The following PCDHGA1 variants were observed in gnomAD, a reference collection of about 807,000 sequenced individuals.
The protein encoded by PCDHGA1 is protocadherin gamma subfamily A, 1, also known as protocadherin gamma-A1.
PCDHGA1 carries 32 observed loss-of-function variants against 58.0 expected under a neutral mutation model. The observed-to-expected ratio is 0.55, with a 90% CI of 0.42 to 0.74. The LOEUF is 0.74. Ranked by LOEUF, PCDHGA1 falls within the 30% of genes least tolerant of loss-of-function variation. The probability of loss-of-function intolerance (pLI) is 0.00; values close to 1 mark genes in which losing one functional copy is unlikely to be tolerated. For missense variants in PCDHGA1, 1,205 were observed against 1,182.3 expected (o/e 1.02, Z -0.28); for synonymous variants, 498 against 501.1 (o/e 0.99, Z 0.08).
chr5:141,366,812 T>G (rs1459944909), intron 1 of PCDHGA1: 6 of 1,549,614 alleles, frequency 3.9e-6, no homozygotes, highest in Non-Finnish European at 4.4e-6. Context: ...TTTTTCATGT[T>G]TCTGTCATAT....
intron 1 of PCDHGA1, chr5:141,415,059 C>A: frequency 1.2e-6 from 2 of 1,613,396 alleles, no homozygotes; most frequent in Non-Finnish European, 1.7e-6. Flanking sequence ...AGCACACGGG[C>A]GAGGTGCGCA....
In PCDHGA1 at chr5:141,408,857, G is replaced by T. The variant is rs372861749; in HGVS notation, c.2421+75752G>T. 1.9e-5 allele frequency: 30 copies of T among 1,613,424 alleles called. No homozygotes were observed. Among genetic ancestry groups the T allele is most frequent in the Non-Finnish European group, 2.5e-5 (29 of 1,179,810 alleles). ...GATATTGACTGCCTTGGACGGAGGG[G>T]ACCCACCAAGAAGTGCCACCGCTCA... On this transcript the variant is annotated intron_variant, in intron 1 of 3. Coordinates refer to ENST00000517417, the MANE Select transcript of PCDHGA1 (RefSeq NM_018912.3).
intron 1 of PCDHGA1, chr5:141,350,534 A>G (rs1758496853): frequency 6.2e-7 from 1 of 1,614,012 alleles, no homozygotes; most frequent in East Asian, 2.2e-5. Flanking sequence ...TCGAGAGAAG[A>G]TTTGCGGAAG....
chr5:141,435,542 A>C (rs1402711516), intron 1 of PCDHGA1, among the ~76,000 whole-genome samples: 1 of 152,146 alleles, frequency 6.6e-6, no homozygotes, highest in Non-Finnish European at 1.5e-5. Flanking sequence ...GAATTAACAA[A>C]ATGTGTTTTG....
At chr5:141,440,912 G>T (rs1281398967) in intron 1 of PCDHGA1, 1 of 152,254 alleles carries the variant, frequency 6.6e-6, no homozygotes, top group Admixed American at 6.5e-5. Context: ...GGGCACTCCT[G>T]TGCTGAGAGT....
At position 141,356,585 on chromosome 5, in the gene PCDHGA1, C is replaced by T. The variant is rs11575950; in HGVS notation, c.2421+23480C>T. 9 of 1,614,174 alleles carry T rather than the reference C, an allele frequency of 5.6e-6. 1 individual carries two copies. The South Asian group carries it at 9.9e-5, about 18-fold the overall frequency. ...CATGCTTCCTACTCTGCTTACATTC[C>T]TGAAAACAACCCCAGAGGAGCCTCC... is the stretch of plus-strand genomic sequence containing the variant. On this transcript the variant is annotated intron_variant, in intron 1 of 3. Coordinates refer to ENST00000517417, the MANE Select transcript of PCDHGA1 (RefSeq NM_018912.3).
chr5:141,428,037 C>G lies in PCDHGA1; in HGVS notation c.2422-66770C>G, dbSNP rs762273592. 3.7e-6 allele frequency: 6 copies of G among 1,608,340 alleles called. No homozygotes were observed. In the African/African-American group the frequency reaches 8.0e-5, roughly 21 times the overall value. ...GCCACGCGCCGCAGAGTCCGGCTACCTGGTGACCAAGGTGGTGGCGGTGGA... is the reference window on the plus strand; with the variant it reads ...GCCACGCGCCGCAGAGTCCGGCTACGTGGTGACCAAGGTGGTGGCGGTGGA... On this transcript the variant is annotated intron_variant, in intron 1 of 3. Coordinates refer to ENST00000517417, the MANE Select transcript of PCDHGA1 (RefSeq NM_018912.3).
chr5:141,451,914 A>G (rs1387569597), intron 1 of PCDHGA1, among the ~76,000 whole-genome samples: 3 of 152,022 alleles, frequency 2.0e-5, no homozygotes, highest in East Asian at 1.9e-4. Context: ...GGGAGGGAGG[A>G]AGGAAGGGAG....
chr5:141,388,789 T>A (rs2091491529), intron 1 of PCDHGA1: 1 of 1,613,948 alleles, frequency 6.2e-7, no homozygotes, highest in Non-Finnish European at 8.5e-7. Context: ...ATTACTGTTT[T>A]AAATACATTA....
chr5:141,332,283 G>C lies in PCDHGA1; in HGVS notation c.1599G>C (p.Met533Ile), dbSNP rs773238673. The part of the protein sequence containing the change: ...EQFRDMQLKV[M>I]ARDSGDPPLS... ...TCCGGGACATGCAACTGAAAGTGAT[G>C]GCGCGGGACAGTGGGGATCCGCCCC... Residue 533 changes from methionine (M) to isoleucine (I), a missense_variant, in exon 1 of 4, where the codon ATG (methionine) becomes ATC (isoleucine). By Grantham distance (10) the Met-to-Ile change is conservative. Transcript: ENST00000517417. The surrounding 1 kb of genome is among the most constrained non-coding windows in gnomAD (Gnocchi z 4.6). 12 of 1,614,108 alleles carry C rather than the reference G, an allele frequency of 7.4e-6. No individual in the cohort carries two copies. The highest frequency in any genetic ancestry group is 1.6e-4 in the Middle Eastern group (1 of 6,084).
chr5:141,340,846 G>T, intron 1 of PCDHGA1: 2 of 1,611,914 alleles, frequency 1.2e-6, no homozygotes, highest in Non-Finnish European at 1.7e-6. Flanking sequence ...ACACGGGCGA[G>T]GTGCGCACGG....
intron 3 of PCDHGA1, among the ~76,000 whole-genome samples, chr5:141,508,761 C>G (rs943236216): frequency 6.6e-6 from 1 of 151,974 alleles, no homozygotes; most frequent in Admixed American, 6.6e-5. Context: ...TCTGGCGCCT[C>G]TGAGGTCCCC....
At position 141,336,226 on chromosome 5, in the gene PCDHGA1, C is replaced by T. The variant is rs551674515; in HGVS notation, c.2421+3121C>T. Among the ~76,000 whole-genome samples the T allele has an allele frequency of 7.9e-5, 12 of 152,068 alleles. No individual in the cohort carries two copies. In the East Asian group the frequency reaches 2.1e-3, roughly 27 times the overall value. On this transcript the variant is annotated intron_variant, in intron 1 of 3. Transcript: ENST00000517417. Reference sequence around the variant, plus strand: ...TTCTGTCAAGTCTAACGTTAGGACTCATGTAAGAGAGCCAGGCACAATGGC... The same window carrying T: ...TTCTGTCAAGTCTAACGTTAGGACTTATGTAAGAGAGCCAGGCACAATGGC...
chr5:141,363,581 A>G (rs1484863484), intron 1 of PCDHGA1, among the ~76,000 whole-genome samples: 2 of 152,266 alleles, frequency 1.3e-5, no homozygotes, highest in Non-Finnish European at 2.9e-5. Flanking sequence ...AAAAATGCAT[A>G]GTTAACCCAA....
rs199552905 is a variant in PCDHGA1 at position 141,423,400 on chromosome 5, C to A, written c.2422-71407C>A. On this transcript the variant is annotated intron_variant, in intron 1 of 3. Transcript: ENST00000517417. Reference sequence around the variant, plus strand: ...GCTGTGGCGCTGGCATAAGTCACGCCTGCTGCAGGCTTCTGAAGGCGGGTT... The same window carrying A: ...GCTGTGGCGCTGGCATAAGTCACGCATGCTGCAGGCTTCTGAAGGCGGGTT... 62 of 1,614,152 alleles carry A rather than the reference C, an allele frequency of 3.8e-5. No homozygotes were observed. The African/African-American group carries it at 6.9e-4, about 18-fold the overall frequency.
At chr5:141,384,893 C>G in intron 1 of PCDHGA1, 2 of 1,613,890 alleles carry the variant, frequency 1.2e-6, no homozygotes, top group Non-Finnish European at 1.7e-6. Context: ...GTGGCTGTGG[C>G]TGACAGCATC....
chr5:141,346,543 T>C, intron 1 of PCDHGA1: 1 of 1,545,946 alleles, frequency 6.5e-7, no homozygotes, highest in Non-Finnish European at 8.8e-7. Flanking sequence ...ATTTGAGAAA[T>C]AAAGCCATGA....
Position 141,334,028 on chromosome 5 carries a change from G to C in PCDHGA1, c.2421+923G>C, listed in dbSNP as rs962453042. 2.0e-5 allele frequency: 3 copies of C among 150,876 alleles called. No homozygotes were observed. Among genetic ancestry groups the C allele is most frequent in the African/African-American group, 7.3e-5 (3 of 41,094 alleles). The allele number at this position is 150,876 out of a possible 1,614,324, so 9.3% of individuals were successfully genotyped here. A position where few individuals can be genotyped will look rare whatever the true frequency, so the allele number is the denominator to read the frequency against. Reference sequence around the variant, plus strand: ...TTTAATGTGTGTTAACTTTTCAGAAGAAAAAAAAAGTATGGTCGGGGAGTA... The same window carrying C: ...TTTAATGTGTGTTAACTTTTCAGAACAAAAAAAAAGTATGGTCGGGGAGTA... On this transcript the variant is annotated intron_variant, in intron 1 of 3. Coordinates refer to ENST00000517417, the MANE Select transcript of PCDHGA1 (RefSeq NM_018912.3). The surrounding 1 kb of genome is among the most constrained non-coding windows in gnomAD (Gnocchi z 4.6).
At chr5:141,413,092 T>C in intron 1 of PCDHGA1, 1 of 1,429,614 alleles carries the variant, frequency 7.0e-7, no homozygotes, top group Non-Finnish European at 9.4e-7. Context: ...AGAGACACCC[T>C]GAAGCCACAG....
Sources: gnomAD v4.1 joint callset for allele counts (sites outside exome capture counted in the v4.1 genomes callset) on GRCh38, gnomAD v4.1.1 for gene constraint, Gnocchi (gnomAD v3.1) non-coding constraint, MANE v1.5 for transcripts, NCBI Gene and HGNC (gene_info 2026-07-23, HGNC 2026-07-21) for gene names.